IGSF3: variants seen among roughly 807,000 people sequenced by gnomAD.
The protein encoded by IGSF3 is glu-Trp-Ile EWI motif-containing protein 3.
A neutral mutation model predicts 114.4 loss-of-function variants in IGSF3; 23 were observed. That is an observed-to-expected ratio of 0.20 (90% confidence interval 0.14 to 0.28). The LOEUF is 0.28. IGSF3 is among the 10% of genes least tolerant of loss of function. The pLI, the probability that IGSF3 is intolerant of heterozygous loss-of-function variation, is 1.00. For synonymous variants in IGSF3, 571 were observed against 645.2 expected (o/e 0.88, Z 1.74); for missense variants, 1,172 against 1,591.5 (o/e 0.74, Z 4.48).
chr1:116,638,639 G>A lies in IGSF3; in HGVS notation c.44-22182C>T, dbSNP rs949148525. Among the ~76,000 whole-genome samples the A allele has an allele frequency of 3.9e-5, 6 of 152,136 alleles. No individual in the cohort carries two copies. The highest frequency in any genetic ancestry group is 6.5e-5 in the Admixed American group (1 of 15,276). On this transcript the variant is annotated intron_variant, in intron 2 of 10. Transcript: ENST00000369486. The surrounding 1 kb of genome is among the most constrained non-coding windows in gnomAD (Gnocchi z 4.1). The stretch of plus-strand genomic sequence containing the variant: ...CACACCTAAAGGCTATGCTTACATC[G>A]TTTTCCATCTCTTGTGTTGGTGAGC...
rs367708710 is a variant in IGSF3, at chr1:116,616,156, G to A, written c.345C>T (p.Ala115=). The A allele has an allele frequency of 1.7e-4, 271 of 1,613,726 alleles. No homozygotes were observed. The highest frequency in any genetic ancestry group is 2.1e-4 in the Non-Finnish European group (247 of 1,179,744). ...TGGGTGTGTGGCATTCATACTCCCCGGCATCCCGGGCCTGAAGATCTGTGA... is the reference window on the plus strand; with the variant it reads ...TGGGTGTGTGGCATTCATACTCCCCAGCATCCCGGGCCTGAAGATCTGTGA... ...LHITDLQARD[A]GEYECHTPST... The change falls in exon 3 of 11, where the codon GCC becomes GCT. Residue 115 remains alanine, a synonymous_variant. Transcript: ENST00000369486. This position sits in a 1 kb window ranked among gnomAD's most constrained non-coding sequence, Gnocchi z 6.6.
rs1309506953 is a variant in IGSF3 at position 116,594,558 on chromosome 1, T to C, written c.2029+5383A>G. On this transcript the variant is annotated intron_variant, in intron 7 of 10. Coordinates refer to ENST00000369486, the MANE Select transcript of IGSF3 (RefSeq NM_001007237.3). This position sits in a 1 kb window ranked among gnomAD's most constrained non-coding sequence, Gnocchi z 5.2. ...AACTATTTGGTCCTCACCAATCCTA[T>C]GAAATAAATATTATTCCCAATTTTA... 6.6e-6 allele frequency among the ~76,000 whole-genome samples: 1 copy of C among 152,252 alleles called. No individual in the cohort carries two copies. Among genetic ancestry groups the C allele is most frequent in the East Asian group, 1.9e-4 (1 of 5,204 alleles).
intron 9 of IGSF3, among the ~76,000 whole-genome samples, chr1:116,581,571 C>T (rs1318991890): frequency 1.3e-5 from 2 of 152,052 alleles, no homozygotes; most frequent in Non-Finnish European, 2.9e-5. Context: ...GTGAACATGT[C>T]GCTCACAGGT....
chr1:116,602,477 C>T (rs780385579), intron 6 of IGSF3, among the ~76,000 whole-genome samples: 16 of 152,008 alleles, frequency 1.1e-4, no homozygotes, highest in Non-Finnish European at 1.9e-4. Context: ...GATCAGGAAA[C>T]GCAATCACTG....
rs1268824706 is a variant in IGSF3 at position 116,650,868 on chromosome 1, T to G, written c.43+15416A>C. ...ATCCAAACAGATGCAAAAACGTTCT[T>G]AACACAGAAGGTTTGGGAAGCTCTG... is the stretch of plus-strand genomic sequence containing the variant. On this transcript the variant is annotated intron_variant, in intron 2 of 10. Coordinates refer to ENST00000369486, the MANE Select transcript of IGSF3 (RefSeq NM_001007237.3). This position sits in a 1 kb window ranked among gnomAD's most constrained non-coding sequence, Gnocchi z 5.0. Among the ~76,000 whole-genome samples the G allele has an allele frequency of 1.3e-5, 2 of 152,220 alleles. No homozygotes were observed. Among genetic ancestry groups the G allele is most frequent in the Non-Finnish European group, 2.9e-5 (2 of 68,046 alleles).
At chr1:116,586,003 A>G (rs1388500677) in intron 8 of IGSF3, among the ~76,000 whole-genome samples, 1 of 152,240 alleles carries the variant, frequency 6.6e-6, no homozygotes, top group African/African-American at 2.4e-5. Context: ...TAATGACAGC[A>G]TGCCCCGATG....
In IGSF3 at chr1:116,651,304, T is replaced by G. The variant is rs553568978; in HGVS notation, c.43+14980A>C. 3.9e-5 allele frequency among the ~76,000 whole-genome samples: 6 copies of G among 152,344 alleles called. No individual in the cohort carries two copies. In the South Asian group the frequency reaches 1.2e-3, roughly 32 times the overall value. On this transcript the variant is annotated intron_variant, in intron 2 of 10. Coordinates refer to ENST00000369486, the MANE Select transcript of IGSF3 (RefSeq NM_001007237.3). This position sits in a 1 kb window ranked among gnomAD's most constrained non-coding sequence, Gnocchi z 4.4. ...TCCTATCCCTGCCTTCCATCTTAGC[T>G]TTCCAGCATACTCTTCCCAGGTTCT...
At chr1:116,656,047 A>G (rs1441179934) in intron 2 of IGSF3, among the ~76,000 whole-genome samples, 3 of 152,194 alleles carry the variant, frequency 2.0e-5, no homozygotes, top group Non-Finnish European at 1.5e-5. Flanking sequence ...TAAAATAACC[A>G]AATCAGTTCT....
chr1:116,581,881 C>A (rs1296339471), intron 9 of IGSF3, among the ~76,000 whole-genome samples: 1 of 152,180 alleles, frequency 6.6e-6, no homozygotes, highest in Non-Finnish European at 1.5e-5. Context: ...CCACCCCATG[C>A]TTTTCTCCTC....
In IGSF3 at chr1:116,595,836, G is replaced by C. The variant is rs1215019700; in HGVS notation, c.2029+4105C>G. Among the ~76,000 whole-genome samples the C allele has an allele frequency of 6.6e-6, 1 of 152,218 alleles. No homozygotes were observed. Among genetic ancestry groups the C allele is most frequent in the Non-Finnish European group, 1.5e-5 (1 of 68,042 alleles). On this transcript the variant is annotated intron_variant, in intron 7 of 10. Transcript: ENST00000369486. This position sits in a 1 kb window ranked among gnomAD's most constrained non-coding sequence, Gnocchi z 4.2. The stretch of plus-strand genomic sequence containing the variant: ...AATCAGAAGGAAGCAAGGCAATTAT[G>C]CTTCACAATTAAAAGAGAAAAGAAC...
At position 116,584,819 on chromosome 1, in the gene IGSF3, G is replaced by A; in HGVS notation, c.2674C>T (p.His892Tyr). 6.2e-7 allele frequency: 1 copy of A among 1,614,258 alleles called. No homozygotes were observed. The highest frequency in any genetic ancestry group is 8.5e-7 in the Non-Finnish European group (1 of 1,180,056). The part of the protein sequence containing the change: ...AAKNNLKGRL[H>Y]LESPSPGVYR... ...ACGCCGGGGGAAGGACTCTCCAAAT[G>A]CAGCCGCCCCTTCAGATTGTTCTTG... Residue 892 changes from histidine to tyrosine, a missense_variant, in exon 9 of 11, where the codon CAT (histidine) becomes TAT (tyrosine). Physicochemically the swap from His to Tyr is moderately conservative, Grantham distance 83 (BLOSUM62 2). Transcript: ENST00000369486. The surrounding 1 kb of genome is among the most constrained non-coding windows in gnomAD (Gnocchi z 5.8).
chr1:116,606,353 G>A (rs1198031091), intron 5 of IGSF3: 45 of 1,056,602 alleles, frequency 4.3e-5, no homozygotes, highest in Middle Eastern at 2.2e-4. Flanking sequence ...TGGCCTCTAC[G>A]AGGATTTGAG....
Position 116,655,334 on chromosome 1 carries a change from T to C in IGSF3, c.43+10950A>G, listed in dbSNP as rs2101076542. 6.6e-6 allele frequency among the ~76,000 whole-genome samples: 1 copy of C among 152,324 alleles called. No homozygotes were observed. The highest frequency in any genetic ancestry group is 6.5e-5 in the Admixed American group (1 of 15,306). On this transcript the variant is annotated intron_variant, in intron 2 of 10. Coordinates refer to ENST00000369486, the MANE Select transcript of IGSF3 (RefSeq NM_001007237.3). The surrounding 1 kb of genome is among the most constrained non-coding windows in gnomAD (Gnocchi z 4.3). ...CAAGGGATAGAAAGTCAAACACTGA[T>C]GTTTAAGAAGGGATGACTATGACAC...
In IGSF3 at chr1:116,596,693, G is replaced by C. The variant is rs1419282556; in HGVS notation, c.2029+3248C>G. 1.3e-5 allele frequency among the ~76,000 whole-genome samples: 2 copies of C among 152,258 alleles called. No homozygotes were observed. The highest frequency in any genetic ancestry group is 3.9e-4 in the East Asian group (2 of 5,186). The stretch of plus-strand genomic sequence containing the variant: ...TCCTGAGAAGAAAAACACTTGTCTA[G>C]AACATATAATAATAAAATTAGGAAC... On this transcript the variant is annotated intron_variant, in intron 7 of 10. Coordinates refer to ENST00000369486, the MANE Select transcript of IGSF3 (RefSeq NM_001007237.3). The surrounding 1 kb of genome is among the most constrained non-coding windows in gnomAD (Gnocchi z 4.1).
At chr1:116,602,957 TA>T (rs1660654460) in intron 6 of IGSF3, among the ~76,000 whole-genome samples, 1 of 152,214 alleles carries the variant, frequency 6.6e-6, no homozygotes, top group African/African-American at 2.4e-5. Context: ...ATAGCTTTGT[TA>T]GGTATGGGCC....
In IGSF3 at chr1:116,598,644, C is replaced by CT. The variant is rs1660441114; in HGVS notation, c.2029+1296dup. 6.6e-6 allele frequency among the ~76,000 whole-genome samples: 1 copy of CT among 152,194 alleles called. No individual in the cohort carries two copies. Among genetic ancestry groups the CT allele is most frequent in the African/African-American group, 2.4e-5 (1 of 41,450 alleles). On this transcript the variant is annotated intron_variant, in intron 7 of 10. Coordinates refer to ENST00000369486, the MANE Select transcript of IGSF3 (RefSeq NM_001007237.3). This position sits in a 1 kb window ranked among gnomAD's most constrained non-coding sequence, Gnocchi z 4.3. Reference sequence around the variant, plus strand: ...AGACTAGGTCAGGCACTAACCATGGCTGTTAGTGGGCAGAAAAATCCCTTT... The same window carrying CT: ...AGACTAGGTCAGGCACTAACCATGGCTTGTTAGTGGGCAGAAAAATCCCTTT...
intron 7 of IGSF3, among the ~76,000 whole-genome samples, chr1:116,591,789 G>A (rs1182789119): frequency 1.3e-5 from 2 of 152,136 alleles, no homozygotes; most frequent in Admixed American, 1.3e-4. Context: ...TGCCCTGGGC[G>A]GTGTACAGCT....
At position 116,593,123 on chromosome 1, in the gene IGSF3, C is replaced by T. The variant is rs371148968; in HGVS notation, c.2030-4019G>A. Among the ~76,000 whole-genome samples the T allele has an allele frequency of 4.6e-5, 7 of 152,188 alleles. No homozygotes were observed. Among genetic ancestry groups the T allele is most frequent in the Non-Finnish European group, 2.9e-5 (2 of 68,026 alleles). ...CCTGCAGCTTGTACTTGATCCTGAC[C>T]ACCTGTGGCCCTCAGGGTGCACGCC... On this transcript the variant is annotated intron_variant, in intron 7 of 10. Coordinates refer to ENST00000369486, the MANE Select transcript of IGSF3 (RefSeq NM_001007237.3). The surrounding 1 kb of genome is among the most constrained non-coding windows in gnomAD (Gnocchi z 4.5).
intron 6 of IGSF3, among the ~76,000 whole-genome samples, chr1:116,601,728 A>T (rs1241181971): frequency 6.6e-6 from 1 of 152,180 alleles, no homozygotes; most frequent in Non-Finnish European, 1.5e-5. Flanking sequence ...ATCTCTATAT[A>T]CCCTTTAAAA....
Sources: allele counts gnomAD v4.1 joint callset (sites outside exome capture counted in the v4.1 genomes callset), GRCh38; gene constraint gnomAD v4.1.1; non-coding constraint Gnocchi (gnomAD v3.1); transcripts MANE v1.5; gene names NCBI Gene and HGNC (gene_info 2026-07-23, HGNC 2026-07-21).